The following PTPN4 variants were observed in gnomAD, a reference collection of about 807,000 sequenced individuals.
PTPN4 encodes protein tyrosine phosphatase non-receptor type 4, also known as tyrosine-protein phosphatase non-receptor type 4.
In PTPN4, 49 loss-of-function variants were observed where a neutral mutation model predicts 135.5. The ratio of observed to expected loss-of-function variants is 0.36; its 90% CI spans 0.29 to 0.46. PTPN4 has a LOEUF of 0.46. Among genes scored for constraint, PTPN4 ranks in the 20% least tolerant of loss-of-function variants. The probability of loss-of-function intolerance (pLI) is 1.00; values close to 1 mark genes in which losing one functional copy is unlikely to be tolerated. For synonymous variants in PTPN4, 333 were observed against 369.9 expected, an observed-to-expected ratio of 0.90 and a Z score of 1.14; for missense variants, 860 against 1,101.0, an observed-to-expected ratio of 0.78 and a Z score of 3.10.
At chr2:119,936,336 A>C (rs1007877423) in intron 15 of PTPN4, among the ~76,000 whole-genome samples, 1 of 151,956 alleles carries the variant, frequency 6.6e-6, no homozygotes, top group Non-Finnish European at 1.5e-5. Context: ...CAAACCCCCA[A>C]ATCACTTGCT....
Position 119,970,606 on chromosome 2 carries a change from G to T in PTPN4, c.2694+2634G>T, listed in dbSNP as rs1277454262. ...CTTCTTTTAAGTAGCATATTTAAAG[G>T]TTTATCTGTACTGCAGTATGTATTA... On this transcript the variant is annotated intron_variant, in intron 26 of 26. Coordinates refer to ENST00000263708, the MANE Select transcript of PTPN4 (RefSeq NM_002830.4). Among the ~76,000 whole-genome samples the T allele has an allele frequency of 2.0e-5, 3 of 152,196 alleles. No homozygotes were observed. In the East Asian group the frequency reaches 5.8e-4, roughly 29 times the overall value.
At chr2:119,841,769 C>A (rs533400443) in intron 2 of PTPN4, among the ~76,000 whole-genome samples, 31 of 152,270 alleles carry the variant, frequency 2.0e-4, no homozygotes, top group African/African-American at 6.5e-4. Context: ...TAATCATGGG[C>A]TTTTACTGCG....
At chr2:119,904,012 G>A (rs921238052) in intron 10 of PTPN4, among the ~76,000 whole-genome samples, 2 of 152,286 alleles carry the variant, frequency 1.3e-5, no homozygotes, top group East Asian at 3.9e-4. Flanking sequence ...ACAAGAAAAA[G>A]TTTGTTCCTA....
Position 119,977,090 on chromosome 2 carries a change from A to T in PTPN4, c.*20A>T. On this transcript the variant is annotated 3_prime_UTR_variant, in exon 27 of 27. Transcript: ENST00000263708. ...AAATAAGAAAGCAAAAAGATCTGGG[A>T]TATGTGTTGGAAAACTGCTTTCCCT... is the stretch of plus-strand genomic sequence containing the variant. The T allele has an allele frequency of 1.3e-6, 2 of 1,581,842 alleles. No individual in the cohort carries two copies. The highest frequency in any genetic ancestry group is 1.7e-6 in the Non-Finnish European group (2 of 1,169,662).
intron 2 of PTPN4, among the ~76,000 whole-genome samples, chr2:119,812,517 T>C (rs1417017908): frequency 6.6e-6 from 1 of 152,228 alleles, no homozygotes; most frequent in Admixed American, 6.5e-5. Context: ...ATTTTTGTAA[T>C]GAAGGAGTTG....
chr2:119,889,664 G>T (rs1234334056), intron 9 of PTPN4, among the ~76,000 whole-genome samples: 4 of 151,678 alleles, frequency 2.6e-5, no homozygotes, highest in African/African-American at 7.3e-5. Context: ...TTAATTTTAG[G>T]TTTGTTTTGT....
At chr2:119,878,533 T>C (rs1678018700) in intron 5 of PTPN4, among the ~76,000 whole-genome samples, 1 of 151,966 alleles carries the variant, frequency 6.6e-6, no homozygotes, top group Admixed American at 6.6e-5. Context: ...TGTCTTGGAG[T>C]AGAGAAACAA....
At chr2:119,819,230 C>T (rs1677032294) in intron 2 of PTPN4, among the ~76,000 whole-genome samples, 1 of 152,136 alleles carries the variant, frequency 6.6e-6, no homozygotes, top group South Asian at 2.1e-4. Context: ...ATTCATCTGC[C>T]CTTTTCTCCC....
At chr2:119,943,277 C>CT (rs1241302445) in intron 15 of PTPN4, among the ~76,000 whole-genome samples, 13 of 152,154 alleles carry the variant, frequency 8.5e-5, no homozygotes, top group Non-Finnish European at 1.8e-4. Context: ...AGCAGCCAAC[C>CT]TCTCAATAAG....
intron 10 of PTPN4, among the ~76,000 whole-genome samples, chr2:119,905,391 A>G (rs1678472412): frequency 6.6e-6 from 1 of 152,250 alleles, no homozygotes; most frequent in Admixed American, 6.5e-5. Flanking sequence ...GACAAGGTCA[A>G]TATCAAATGA....
chr2:119,945,000 G>C, intron 15 of PTPN4, 81 bp from the exon 16 acceptor site: 1 of 1,308,796 alleles, frequency 7.6e-7, no homozygotes, highest in Non-Finnish European at 1.0e-6. Flanking sequence ...TCTCCTACCA[G>C]ACATTGTAAA....
At chr2:119,815,779 G>A (rs1197610916) in intron 2 of PTPN4, among the ~76,000 whole-genome samples, 1 of 151,962 alleles carries the variant, frequency 6.6e-6, no homozygotes, top group Non-Finnish European at 1.5e-5. Context: ...GAGAGATGTT[G>A]GATTCTATTT....
chr2:119,923,176 C>A (rs1051901732), intron 12 of PTPN4, among the ~76,000 whole-genome samples: 1 of 152,028 alleles, frequency 6.6e-6, no homozygotes, highest in Non-Finnish European at 1.5e-5. Context: ...GAGTTCAAGT[C>A]CAGCCTGGGC....
chr2:119,835,932 G>A (rs979729555), intron 2 of PTPN4, among the ~76,000 whole-genome samples: 2 of 152,034 alleles, frequency 1.3e-5, no homozygotes, highest in Non-Finnish European at 2.9e-5. Flanking sequence ...AGCCAGGCGT[G>A]GTGGCGGGTA....
intron 1 of PTPN4, among the ~76,000 whole-genome samples, chr2:119,775,802 G>GATATCTATATCTATATCT (rs56763862): frequency 1.3e-3 from 193 of 149,988 alleles, no homozygotes; most frequent in Non-Finnish European, 2.0e-3. Context: ...AGAGATTGTG[G>GATATCTATATCTATATCT]ATATCTATAT....
At chr2:119,760,703 A>G (rs567034356) in intron 1 of PTPN4, among the ~76,000 whole-genome samples, 1 of 137,430 alleles carries the variant, frequency 7.3e-6, no homozygotes, top group East Asian at 2.2e-4. Context: ...AAGCTTTGGA[A>G]TCTTGAGTTT....
At chr2:119,970,699 C>T (rs534226563) in intron 26 of PTPN4, among the ~76,000 whole-genome samples, 27 of 152,050 alleles carry the variant, frequency 1.8e-4, no homozygotes, top group African/African-American at 4.8e-4. Flanking sequence ...TTTGTTCATC[C>T]GTTAATCTGT....
At chr2:119,938,009 A>C (rs1679009369) in intron 15 of PTPN4, among the ~76,000 whole-genome samples, 2 of 152,140 alleles carry the variant, frequency 1.3e-5, no homozygotes, top group African/African-American at 2.4e-5. Context: ...TTTGGTAAAA[A>C]GCCCCAATAT....
At chr2:119,782,854 T>C (rs1690968015) in intron 1 of PTPN4, among the ~76,000 whole-genome samples, 1 of 146,262 alleles carries the variant, frequency 6.8e-6, no homozygotes, top group Non-Finnish European at 1.5e-5. Flanking sequence ...CACAGGCATG[T>C]ACCACTACTC....
Sources: allele counts gnomAD v4.1 joint callset (sites outside exome capture counted in the v4.1 genomes callset), GRCh38; gene constraint gnomAD v4.1.1; transcripts MANE v1.5; gene names NCBI Gene and HGNC (gene_info 2026-07-23, HGNC 2026-07-21).